Variants in KIRREL2 observed in about 807,000 individuals in gnomAD.
The protein encoded by KIRREL2 is kin of IRRE-like protein 2.
In KIRREL2, 56 loss-of-function variants were observed where a neutral mutation model predicts 73.4. That is an observed-to-expected ratio of 0.76 (90% CI 0.62 to 0.95). KIRREL2 has a LOEUF of 0.95. Among genes scored for constraint, KIRREL2 ranks in the 40% least tolerant of loss-of-function variants. KIRREL2 has a pLI of 0.00. For synonymous variants in KIRREL2, 407 were observed against 404.0 expected (o/e 1.01, Z -0.09); for missense variants, 896 against 935.0 (o/e 0.96, Z 0.54).
At chr19:35,854,644 C>T (rs879429604), upstream of KIRREL2, among the ~76,000 whole-genome samples, 3 of 152,126 alleles carry the variant, frequency 2.0e-5, no homozygotes, top group Non-Finnish European at 4.4e-5. Context: ...CTATCTTTCT[C>T]CATCTGTTTG....
intron 4 of KIRREL2, 109 bp downstream of exon 4, chr19:35,858,973 A>C: frequency 8.1e-7 from 1 of 1,240,466 alleles, no homozygotes; most frequent in Non-Finnish European, 1.2e-6. Context: ...GCAGAGGTTC[A>C]TGGGTTTGGA....
rs1369545872 is a variant in KIRREL2, at chr19:35,861,798, C to T, written c.1291-7C>T. The T allele has an allele frequency of 6.3e-7, 1 of 1,586,614 alleles. No individual in the cohort carries two copies. The highest frequency in any genetic ancestry group is 8.6e-7 in the Non-Finnish European group (1 of 1,166,000). ...TCCTCCGTGTCCTCCCTCTTTTGTGCCCCCAGGTCTGGTCTTGGGATGAGG... is the reference window on the plus strand; with the variant it reads ...TCCTCCGTGTCCTCCCTCTTTTGTGTCCCCAGGTCTGGTCTTGGGATGAGG... On this transcript the variant is annotated splice_region_variant and splice_polypyrimidine_tract_variant and intron_variant, in intron 10 of 14. Transcript: ENST00000360202.
chr19:35,860,081 TGACTCTCACATCGGGGA>T (rs1422247623), intron 5 of KIRREL2, among the ~76,000 whole-genome samples, 199 bp from the exon 6 acceptor site: 2 of 152,042 alleles, frequency 1.3e-5, no homozygotes, highest in African/African-American at 4.8e-5. Flanking sequence ...AGCTGGGCCT[TGACTCTCACATCGGGGA>T]GACTAGGAGA....
chr19:35,860,533 G>A lies in KIRREL2; in HGVS notation c.794G>A (p.Gly265Asp), dbSNP rs1177641761. Residue 265 changes from glycine (G) to aspartate (D), a missense_variant, in exon 7 of 15, where the codon GGC (glycine) becomes GAC (aspartate). Coordinates refer to ENST00000360202, the MANE Select transcript of KIRREL2 (RefSeq NM_199180.4). ...CATTTCCTCAGGTGGGCAAAAGGGG[G>A]CTCTCCGGTGCTCGGGGCCCGCGGG... Reference protein sequence around the residue: ...PVTGYRWAKGGSPVLGARGPR... With the variant: ...PVTGYRWAKGDSPVLGARGPR... The A allele has an allele frequency of 1.2e-6, 2 of 1,602,634 alleles. No homozygotes were observed. Among genetic ancestry groups the A allele is most frequent in the Non-Finnish European group, 8.5e-7 (1 of 1,179,910 alleles).
At chr19:35,852,719 G>A (rs1011996894), upstream of KIRREL2, among the ~76,000 whole-genome samples, 2 of 151,978 alleles carry the variant, frequency 1.3e-5, no homozygotes, top group African/African-American at 2.4e-5. Context: ...GCTCAGCAGG[G>A]GAGCAGCCAG....
chr19:35,855,949 C>CGGTG (rs1212868286), upstream of KIRREL2: 1 of 152,266 alleles, frequency 6.6e-6, no homozygotes, highest in Non-Finnish European at 1.5e-5. Flanking sequence ...CCTGAACCAC[C>CGGTG]AGTCCCTTAT....
chr19:35,861,476 G>A, intron 9 of KIRREL2, 65 bp from the exon 10 acceptor site: 2 of 1,545,980 alleles, frequency 1.3e-6, no homozygotes, highest in Admixed American at 3.6e-5. Context: ...GACAGACCCG[G>A]CTTTGTTACA....
Position 35,857,144 on chromosome 19 carries a change from C to T in KIRREL2, c.25C>T (p.Leu9Phe). MLRMRVPA[L>F]LVLLFCFRGR... ...AATGCTCAGGATGCGGGTCCCCGCC[C>T]TCCTCGTCCTCCTCTTCTGCTTCAG... The change falls in exon 1 of 15, where the codon CTC becomes TTC. Residue 9 changes from leucine to phenylalanine, a missense_variant. By Grantham distance (22) the Leu-to-Phe change is conservative. Transcript: ENST00000360202. The T allele has an allele frequency of 6.2e-7, 1 of 1,613,620 alleles. No individual in the cohort carries two copies. The highest frequency in any genetic ancestry group is 8.5e-7 in the Non-Finnish European group (1 of 1,179,938).
intron 13 of KIRREL2, 50 bp from the exon 14 acceptor site, chr19:35,864,598 G>C: frequency 1.3e-6 from 2 of 1,500,136 alleles, no homozygotes; most frequent in Non-Finnish European, 1.9e-6. Flanking sequence ...TCTGGCATTG[G>C]GGCGGGGGGA....
chr19:35,864,581 C>A (rs1035649510), intron 13 of KIRREL2, 67 bp from the exon 14 acceptor site: 2 of 1,369,908 alleles, frequency 1.5e-6, no homozygotes, highest in Admixed American at 1.7e-5. Flanking sequence ...GCTGAAGGTC[C>A]TTGGGGTCTG....
In KIRREL2 at chr19:35,860,347, GAGA is replaced by G. The variant is rs757229409; in HGVS notation, c.727_729del (p.Lys243del). On this transcript the variant is annotated inframe_deletion, in exon 6 of 15. Transcript: ENST00000360202. The stretch of plus-strand genomic sequence containing the variant: ...TTCGCCACACACTGTGCAGGAGGGA[GAGA>G]AGGTCATTTTCCTGTGCCAGGCCAC... The G allele has an allele frequency of 6.2e-7, 1 of 1,614,048 alleles. No individual in the cohort carries two copies. Among genetic ancestry groups the G allele is most frequent in the Admixed American group, 1.7e-5 (1 of 60,030 alleles).
intron 9 of KIRREL2, 103 bp from the exon 10 acceptor site, chr19:35,861,434 CTGAT>C (rs756750933): frequency 8.2e-6 from 12 of 1,456,596 alleles, no homozygotes; most frequent in African/African-American, 7.1e-5. Flanking sequence ...GCGGCGTGGC[CTGAT>C]TGATTGAGGT....
At position 35,859,503 on chromosome 19, in the gene KIRREL2, CT is replaced by C. The variant is rs1973571304; in HGVS notation, c.546del (p.Ser184GlnfsTer6). The stretch of plus-strand genomic sequence containing the variant: ...CAGACCCTGCTGAAGGAAGGGACCC[CT>C]GGGTCAGTGGAGAGCACCTTAACCC... ...FHQTLLKEGTPGSVESTLTLT... is the reference protein window; with the variant it reads ...FHQTLLKEGTXGSVESTLTLT... On this transcript the variant is annotated frameshift_variant, in exon 5 of 15. Transcript: ENST00000360202. LOFTEE classifies it high-confidence loss of function. The C allele has an allele frequency of 6.2e-7, 1 of 1,614,162 alleles. No homozygotes were observed. The highest frequency in any genetic ancestry group is 8.5e-7 in the Non-Finnish European group (1 of 1,180,008).
At chr19:35,861,666 G>A in intron 10 of KIRREL2, 25 bp downstream of exon 10, 1 of 1,609,952 alleles carries the variant, frequency 6.2e-7, no homozygotes, top group South Asian at 1.1e-5. Flanking sequence ...CTCCTCCCGT[G>A]ACCCATCCAG....
chr19:35,851,548 C>G, upstream of KIRREL2: 1 of 1,613,944 alleles, frequency 6.2e-7, no homozygotes, highest in Non-Finnish European at 8.5e-7. Context: ...CCCATTGCAC[C>G]GCACTGCCAG....
upstream of KIRREL2, among the ~76,000 whole-genome samples, chr19:35,854,291 C>T (rs1480306832): frequency 6.6e-6 from 1 of 151,656 alleles, no homozygotes; most frequent in Non-Finnish European, 1.5e-5. Flanking sequence ...CGCACCTGGC[C>T]CTTGATTTAT....
chr19:35,861,218 CG>C lies in KIRREL2; in HGVS notation c.1157del (p.Gly386AlafsTer8). 1 of 1,535,798 alleles carries C rather than the reference CG, an allele frequency of 6.5e-7. No homozygotes were observed. Among genetic ancestry groups the C allele is most frequent in the Non-Finnish European group, 8.7e-7 (1 of 1,150,060 alleles). On this transcript the variant is annotated frameshift_variant, in exon 9 of 15. Coordinates refer to ENST00000360202, the MANE Select transcript of KIRREL2 (RefSeq NM_199180.4). LOFTEE classifies it high-confidence loss of function. ...CRAEAGLSGLRGGAAEARLTV... is the reference protein window; with the variant it reads ...CRAEAGLSGLXGGAAEARLTV... ...AGCTGAGGCTGGGCTATCGGGCCTG[CG>C]GGGCGGCGCCGCGGAGGCTCGGCTG...
At chr19:35,851,769 A>G (rs1973270722), upstream of KIRREL2, 1 of 1,554,264 alleles carries the variant, frequency 6.4e-7, no homozygotes, top group Non-Finnish European at 8.7e-7. Context: ...CAAGGCTGGG[A>G]TCCCACTCAC....
At chr19:35,864,206 T>TTGTTGTTGTTGTTG (rs1568468599) in intron 13 of KIRREL2, among the ~76,000 whole-genome samples, 16 of 115,152 alleles carry the variant, frequency 1.4e-4, no homozygotes, top group African/African-American at 4.9e-4. Flanking sequence ...TGTTGTTGTT[T>TTGTTGTTGTTGTTG]TTGAGATAGA....
Sources: gnomAD v4.1 joint callset for allele counts (sites outside exome capture counted in the v4.1 genomes callset) on GRCh38, gnomAD v4.1.1 for gene constraint, MANE v1.5 for transcripts, NCBI Gene and HGNC (gene_info 2026-07-23, HGNC 2026-07-21) for gene names.